NSUN6: variants seen among roughly 807,000 people sequenced by gnomAD.
The protein encoded by NSUN6 is NOP2/Sun RNA methyltransferase 6.
Under a neutral mutation model 58.0 loss-of-function variants are expected in NSUN6, and 64 were observed. The observed-to-expected ratio is 1.10, with a 90% CI of 0.90 to 1.36. The LOEUF is 1.36. NSUN6 is among the 40% of genes most tolerant of loss of function. NSUN6 has a pLI of 0.00. For missense variants in NSUN6, 701 were observed against 550.1 expected (o/e 1.27, Z -2.74); for synonymous variants, 231 against 193.9 (o/e 1.19, Z -1.59).
At chr10:18,546,448 AC>A (rs978511232) in intron 10 of NSUN6, among the ~76,000 whole-genome samples, 1 of 152,190 alleles carries the variant, frequency 6.6e-6, no homozygotes, top group Non-Finnish European at 1.5e-5. Context: ...TTGCAGCTCT[AC>A]CACATTTTAG....
At chr10:18,626,398 A>G (rs1297255809) in intron 3 of NSUN6, among the ~76,000 whole-genome samples, 1 of 152,176 alleles carries the variant, frequency 6.6e-6, no homozygotes, top group Non-Finnish European at 1.5e-5. Flanking sequence ...AAAACAGTAA[A>G]TACAAATTAG....
At chr10:18,651,978 C>T, upstream of NSUN6, 4 of 985,372 alleles carry the variant, frequency 4.1e-6, no homozygotes, top group Non-Finnish European at 3.6e-6. Flanking sequence ...AGAATTTGGG[C>T]GCATCAGCCA....
intron 8 of NSUN6, among the ~76,000 whole-genome samples, chr10:18,552,870 T>C (rs2054698038): frequency 6.6e-6 from 1 of 151,668 alleles, no homozygotes; most frequent in African/African-American, 2.4e-5. Flanking sequence ...CACATACCAT[T>C]CCATTCTCAA....
Position 18,651,162 on chromosome 10 carries a change from T to G in NSUN6, c.42A>C (p.Glu14Asp). ...TCATAAAGCCTTCCTTAAGATAGTTTTCAACCTCAGGTCTCAAAGATATCT... is the reference window on the plus strand; with the variant it reads ...TCATAAAGCCTTCCTTAAGATAGTTGTCAACCTCAGGTCTCAAAGATATCT... ...FPKISLRPEV[E>D]NYLKEGFMNK... is the part of the protein sequence containing the mutation. The change falls in exon 1 of 11, where the codon GAA becomes GAC. Residue 14 changes from glutamate to aspartate, a missense_variant. Physicochemically the swap from Glu to Asp is conservative, Grantham distance 45 (BLOSUM62 2). Transcript: ENST00000377304. The G allele has an allele frequency of 1.9e-6, 3 of 1,584,160 alleles. No individual in the cohort carries two copies. The highest frequency in any genetic ancestry group is 2.6e-6 in the Non-Finnish European group (3 of 1,171,410).
At chr10:18,641,922 G>C (rs956957610) in intron 3 of NSUN6, among the ~76,000 whole-genome samples, 3 of 151,996 alleles carry the variant, frequency 2.0e-5, no homozygotes, top group Admixed American at 2.0e-4. Context: ...AAATAAATTA[G>C]CCAGGTGCAG....
intron 7 of NSUN6, among the ~76,000 whole-genome samples, 195 bp from the exon 8 acceptor site, chr10:18,586,288 C>T (rs991828915): frequency 2.0e-4 from 31 of 152,302 alleles, no homozygotes; most frequent in African/African-American, 7.5e-4. Context: ...TTCTTGGTCT[C>T]GCTGACCTCA....
intron 6 of NSUN6, among the ~76,000 whole-genome samples, chr10:18,604,681 C>T (rs1253158387): frequency 6.6e-6 from 1 of 151,676 alleles, no homozygotes; most frequent in African/African-American, 2.4e-5. Context: ...CTCAGGAGTT[C>T]AAGACCAGCC....
chr10:18,593,835 T>C (rs2057471686), intron 7 of NSUN6, among the ~76,000 whole-genome samples: 1 of 150,394 alleles, frequency 6.6e-6, no homozygotes, highest in Non-Finnish European at 1.5e-5. Flanking sequence ...GTAACAAACC[T>C]GCACATTCTG....
At chr10:18,571,642 C>G (rs973747245) in intron 8 of NSUN6, among the ~76,000 whole-genome samples, 1 of 147,282 alleles carries the variant, frequency 6.8e-6, no homozygotes, top group Non-Finnish European at 1.5e-5. Context: ...CTCCACTGCA[C>G]TGCACTCCAT....
At chr10:18,625,380 C>G (rs1590112974) in intron 3 of NSUN6, among the ~76,000 whole-genome samples, 1 of 151,918 alleles carries the variant, frequency 6.6e-6, no homozygotes, top group Admixed American at 6.6e-5. Flanking sequence ...AATGGAAGAC[C>G]TATATAACTG....
At chr10:18,572,963 C>A (rs931684110) in intron 8 of NSUN6, among the ~76,000 whole-genome samples, 5 of 151,106 alleles carry the variant, frequency 3.3e-5, no homozygotes, top group Non-Finnish European at 7.4e-5. Context: ...TTCCATTCTC[C>A]ATTCCATTTC....
chr10:18,605,087 G>T (rs1044078278), intron 6 of NSUN6, among the ~76,000 whole-genome samples: 2 of 151,024 alleles, frequency 1.3e-5, no homozygotes, highest in African/African-American at 4.8e-5. Flanking sequence ...GGGTTTCACC[G>T]TGTTAGCCAG....
chr10:18,575,230 G>C (rs2056591240), intron 8 of NSUN6, among the ~76,000 whole-genome samples: 1 of 152,040 alleles, frequency 6.6e-6, no homozygotes, highest in South Asian at 2.1e-4. Flanking sequence ...TGGCCAAACA[G>C]GTTATAAATA....
At chr10:18,657,343 C>T (rs766035425), upstream of NSUN6, among the ~76,000 whole-genome samples, 1 of 152,032 alleles carries the variant, frequency 6.6e-6, no homozygotes, top group Non-Finnish European at 1.5e-5. Context: ...TTAGAACAGT[C>T]TCATTGTCAG....
chr10:18,546,439 T>C (rs912936282), intron 10 of NSUN6, among the ~76,000 whole-genome samples: 3 of 152,174 alleles, frequency 2.0e-5, no homozygotes, highest in African/African-American at 7.2e-5. Flanking sequence ...GGACTCAAAT[T>C]GCAGCTCTAC....
chr10:18,643,326 G>A (rs1370543793), intron 2 of NSUN6, among the ~76,000 whole-genome samples: 2 of 151,594 alleles, frequency 1.3e-5, no homozygotes, highest in East Asian at 2.0e-4. Context: ...GACAGGGACC[G>A]TATACTCTAT....
At chr10:18,603,533 C>T (rs2057932376) in intron 6 of NSUN6, among the ~76,000 whole-genome samples, 1 of 150,256 alleles carries the variant, frequency 6.7e-6, no homozygotes, top group Admixed American at 6.7e-5. Context: ...TGCAATGGTG[C>T]AATCTAGGCT....
At chr10:18,628,026 G>A (rs1178758145) in intron 3 of NSUN6, among the ~76,000 whole-genome samples, 2 of 152,248 alleles carry the variant, frequency 1.3e-5, no homozygotes, top group African/African-American at 2.4e-5. Context: ...GCTTTGAAGA[G>A]AGCAGTGGTT....
chr10:18,575,155 T>C (rs940957252), intron 8 of NSUN6, among the ~76,000 whole-genome samples: 15 of 152,178 alleles, frequency 9.9e-5, no homozygotes, highest in African/African-American at 2.4e-4. Flanking sequence ...AAGGGACCAA[T>C]TGGGGGCCCC....
Sources: allele counts gnomAD v4.1 joint callset (sites outside exome capture counted in the v4.1 genomes callset), GRCh38; gene constraint gnomAD v4.1.1; transcripts MANE v1.5; gene names NCBI Gene and HGNC (gene_info 2026-07-23, HGNC 2026-07-21).